GLRA2: variants seen among roughly 807,000 people sequenced by gnomAD.
GLRA2 encodes the protein glycine receptor subunit alpha-2.
A neutral mutation model predicts 31.6 loss-of-function variants in GLRA2; 11 were observed. The ratio of observed to expected loss-of-function variants is 0.35; its 90% CI spans 0.22 to 0.58. GLRA2 has a LOEUF of 0.58. Among genes scored for constraint, GLRA2 ranks in the 20% least tolerant of loss-of-function variants. The pLI, the probability that GLRA2 is intolerant of heterozygous loss-of-function variation, is 0.84. For missense variants in GLRA2, 212 were observed against 351.8 expected, an observed-to-expected ratio of 0.60 and a Z score of 3.18; for synonymous variants, 132 against 134.0, an observed-to-expected ratio of 0.99 and a Z score of 0.10.
intron 8 of GLRA2, among the ~76,000 whole-genome samples, chrX:14,701,744 A>T (rs768809566): frequency 9.7e-5 from 11 of 112,951 alleles, no homozygotes; most frequent in African/African-American, 3.5e-4. Flanking sequence ...ATGATTCTTT[A>T]TATTTCTATA....
At chrX:14,490,903 C>T in the GLRA2 span, among the ~76,000 whole-genome samples, 11 of 111,767 alleles carry the variant, frequency 9.8e-5, no homozygotes, top group African/African-American at 2.9e-4. Flanking sequence ...ACACAGCACA[C>T]ACTCTGCACA....
intron 4 of GLRA2, among the ~76,000 whole-genome samples, chrX:14,601,004 T>G (rs1435393792): frequency 2.3e-4 from 15 of 64,579 alleles, no homozygotes; most frequent in East Asian, 2.0e-3. Flanking sequence ...TGTTGTTGTT[T>G]TTTTTTTTGT....
Position 14,602,058 on chromosome X carries a change from T to C in GLRA2, c.495-2257T>C, listed in dbSNP as rs146672084. On this transcript the variant is annotated intron_variant, in intron 4 of 8. Coordinates refer to ENST00000218075, the MANE Select transcript of GLRA2 (RefSeq NM_002063.4). ...ATGTTTAGCAAGTTTAAGGTCTTGT[T>C]TGGGGGAAGAGATAGTTTGAGGCAG... Among the ~76,000 whole-genome samples, 556 of 111,707 alleles carry C rather than the reference T, an allele frequency of 5.0e-3. 7 individuals carry two copies. Among genetic ancestry groups the C allele is most frequent in the African/African-American group, 0.017 (533 of 30,837 alleles).
chrX:14,651,821 TA>T (rs1317929177), intron 7 of GLRA2, among the ~76,000 whole-genome samples: 3 of 111,892 alleles, frequency 2.7e-5, no homozygotes, highest in Non-Finnish European at 5.6e-5. Context: ...TATTATGAAA[TA>T]AATGTTTGTG....
rs142589850 is a variant in GLRA2 at position 14,663,750 on chromosome X, T to C, written c.931-26960T>C. Among the ~76,000 whole-genome samples the C allele has an allele frequency of 3.5e-3, 389 of 111,789 alleles. 1 individual carries two copies. Among genetic ancestry groups the C allele is most frequent in the African/African-American group, 0.012 (375 of 30,925 alleles). On this transcript the variant is annotated intron_variant, in intron 7 of 8. Coordinates refer to ENST00000218075, the MANE Select transcript of GLRA2 (RefSeq NM_002063.4). The stretch of plus-strand genomic sequence containing the variant: ...TCATATGGCTAAATGCTGAAAACTG[T>C]AGCCCTTGAAAAAATTTTTCTAGGG...
Position 14,694,071 on chromosome X carries a change from GA to G in GLRA2, c.1080+3220del, listed in dbSNP as rs200275993. Among the ~76,000 whole-genome samples, 15 of 110,059 alleles carry G rather than the reference GA, an allele frequency of 1.4e-4. No homozygotes were observed. In the East Asian group the frequency reaches 4.0e-3, roughly 29 times the overall value. On this transcript the variant is annotated intron_variant, in intron 8 of 8. Coordinates refer to ENST00000218075, the MANE Select transcript of GLRA2 (RefSeq NM_002063.4). ...GAGTGTAGAAGGAGTGAAAAACTAT[GA>G]AAAAAAACACAAAGAGCAAAAATTA... is the stretch of plus-strand genomic sequence containing the variant.
chrX:14,531,203 C>G (rs1462996742), intron 1 of GLRA2: 1 of 814,948 alleles, frequency 1.2e-6, no homozygotes, highest in Admixed American at 3.1e-5. Context: ...ATGCTCATAT[C>G]AATTTTTAAC....
chrX:14,699,691 G>A (rs924254164), intron 8 of GLRA2, among the ~76,000 whole-genome samples: 3 of 111,288 alleles, frequency 2.7e-5, no homozygotes, highest in African/African-American at 9.8e-5. Flanking sequence ...CTGTAACATA[G>A]TACCCACTGA....
intron 2 of GLRA2, among the ~76,000 whole-genome samples, chrX:14,560,331 TATC>T (rs1405553283): frequency 2.7e-5 from 3 of 111,963 alleles, no homozygotes; most frequent in Non-Finnish European, 5.6e-5. Context: ...AGAAAAATAA[TATC>T]ATTTCCATCT....
the GLRA2 span, among the ~76,000 whole-genome samples, chrX:14,466,968 C>T: frequency 8.9e-6 from 1 of 111,855 alleles, no homozygotes; most frequent in Non-Finnish European, 1.9e-5. Context: ...CATCCACACC[C>T]CTCAATAGCT....
chrX:14,645,703 G>A (rs996120904), intron 7 of GLRA2, among the ~76,000 whole-genome samples: 2 of 112,161 alleles, frequency 1.8e-5, no homozygotes, highest in Non-Finnish European at 3.8e-5. Flanking sequence ...CCTGGGGCTT[G>A]CTGGACTTGG....
chrX:14,534,043 AC>A (rs2147000850), intron 2 of GLRA2, among the ~76,000 whole-genome samples: 1 of 110,794 alleles, frequency 9.0e-6, no homozygotes, highest in African/African-American at 3.3e-5. Context: ...AATAAAACAC[AC>A]CCATGTTGAC....
chrX:14,615,635 C>T (rs1389536922), intron 7 of GLRA2, among the ~76,000 whole-genome samples: 2 of 110,465 alleles, frequency 1.8e-5, no homozygotes, highest in Non-Finnish European at 3.8e-5. Flanking sequence ...GCTGAATCTA[C>T]GAGGCATATT....
chrX:14,550,435 C>A (rs1601701655), intron 2 of GLRA2, among the ~76,000 whole-genome samples: 1 of 109,878 alleles, frequency 9.1e-6, no homozygotes, highest in African/African-American at 3.3e-5. Flanking sequence ...AGGAGGAATA[C>A]CATTTCCTTA....
chrX:14,582,217 C>CCT (rs1481214403), intron 4 of GLRA2, among the ~76,000 whole-genome samples: 8 of 75,025 alleles, frequency 1.1e-4, no homozygotes, highest in Middle Eastern at 0.012. Context: ...ATCCCTCCCC[C>CCT]TCCCCACCCC....
intron 4 of GLRA2, among the ~76,000 whole-genome samples, chrX:14,589,758 A>G (rs1273020187): frequency 2.8e-5 from 3 of 106,636 alleles, no homozygotes; most frequent in Non-Finnish European, 5.8e-5. Flanking sequence ...ATGTGTGTAT[A>G]TATGTATATA....
At chrX:14,551,471 A>C (rs1222546091) in intron 2 of GLRA2, among the ~76,000 whole-genome samples, 1 of 111,256 alleles carries the variant, frequency 9.0e-6, no homozygotes, top group African/African-American at 3.3e-5. Flanking sequence ...TAGATTGTAG[A>C]TCGTGGGGTG....
At chrX:14,654,902 G>T (rs1440421379) in intron 7 of GLRA2, among the ~76,000 whole-genome samples, 1 of 111,606 alleles carries the variant, frequency 9.0e-6, no homozygotes, top group African/African-American at 3.3e-5. Context: ...AGAACCAAGA[G>T]AAAGGGGTTT....
intron 2 of GLRA2, among the ~76,000 whole-genome samples, chrX:14,533,523 G>GAAAA (rs1044537875): frequency 5.2e-5 from 5 of 95,374 alleles, no homozygotes; most frequent in East Asian, 6.3e-4. Context: ...AAATTTTTCT[G>GAAAA]AAAAAAAAAA....
Sources: gnomAD v4.1 joint callset for allele counts (sites outside exome capture counted in the v4.1 genomes callset) on GRCh38, gnomAD v4.1.1 for gene constraint, MANE v1.5 for transcripts, NCBI Gene and HGNC (gene_info 2026-07-23, HGNC 2026-07-21) for gene names.